The following C3orf20 variants were observed in gnomAD, a reference collection of about 807,000 sequenced individuals.
The protein encoded by C3orf20 is family with sequence similarity 149 member C, also known as uncharacterized protein C3orf20.
In C3orf20, 76 loss-of-function variants were observed where a neutral mutation model predicts 88.3. The observed-to-expected ratio is 0.86, with a 90% CI of 0.72 to 1.04. The LOEUF (loss-of-function observed/expected upper bound fraction) is 1.04. Among genes scored for constraint, C3orf20 ranks in the 50% least tolerant of loss-of-function variants. C3orf20 has a pLI of 0.00. For synonymous variants in C3orf20, 436 were observed against 437.4 expected (o/e 1.00, Z 0.04); for missense variants, 1,056 against 1,123.3 (o/e 0.94, Z 0.86).
chr3:14,722,308 C>T (rs2034191991), intron 10 of C3orf20: 1 of 370,180 alleles, frequency 2.7e-6, no homozygotes, highest in African/African-American at 2.1e-5. Context: ...CTCATTGGCT[C>T]TATTAACTGC....
intron 15 of C3orf20, 48 bp downstream of exon 15, chr3:14,761,663 G>C: frequency 6.2e-7 from 1 of 1,601,670 alleles, no homozygotes; most frequent in Non-Finnish European, 8.5e-7. Context: ...GGGAGGTATG[G>C]AGGGCAGAAA....
chr3:14,760,502 T>G (rs191245591), intron 14 of C3orf20, among the ~76,000 whole-genome samples: 1 of 152,190 alleles, frequency 6.6e-6, no homozygotes, highest in Non-Finnish European at 1.5e-5. Flanking sequence ...CTGCATATAT[T>G]CTTTGCAATT....
chr3:14,766,758 G>T (rs568422937), intron 15 of C3orf20, among the ~76,000 whole-genome samples: 2 of 152,212 alleles, frequency 1.3e-5, no homozygotes, highest in African/African-American at 4.8e-5. Context: ...GGCCCTCTTA[G>T]CTCAGCCTGC....
intron 9 of C3orf20, 111 bp from the exon 10 acceptor site, chr3:14,721,542 C>A (rs1223385300): frequency 6.3e-6 from 9 of 1,439,244 alleles, no homozygotes; most frequent in Middle Eastern, 4.2e-4. Context: ...AAAGCTCTTA[C>A]AAATCTTCTG....
In C3orf20 at chr3:14,761,547, G is replaced by A; in HGVS notation, c.2427G>A (p.Leu809=). ...ATGGCCTCAGCAAGCAGAATCTGCTGAAACAGATCTTCCGGTCTCAACAGG... is the reference window on the plus strand; with the variant it reads ...ATGGCCTCAGCAAGCAGAATCTGCTAAAACAGATCTTCCGGTCTCAACAGG... ...NGYGLSKQNL[L]KQIFRSQQDY... is the part of the protein sequence containing the mutation. The change falls in exon 15 of 17, where the codon CTG becomes CTA. Residue 809 remains leucine, a synonymous_variant. Coordinates refer to ENST00000253697, the MANE Select transcript of C3orf20 (RefSeq NM_032137.5). 6.2e-7 allele frequency: 1 copy of A among 1,614,008 alleles called. No individual in the cohort carries two copies. The highest frequency in any genetic ancestry group is 1.1e-5 in the South Asian group (1 of 91,080).
intron 4 of C3orf20, among the ~76,000 whole-genome samples, chr3:14,688,949 C>T (rs1005905658): frequency 7.9e-5 from 12 of 152,018 alleles, no homozygotes; most frequent in Non-Finnish European, 1.8e-4. Flanking sequence ...CCACATTTAC[C>T]GAAATGCTTA....
intron 11 of C3orf20, 69 bp downstream of exon 11, chr3:14,727,093 A>C: frequency 6.4e-7 from 1 of 1,554,620 alleles, no homozygotes; most frequent in Non-Finnish European, 8.9e-7. Flanking sequence ...CTGGCAGGTC[A>C]TCTCAAGGGA....
At chr3:14,757,309 C>G in intron 12 of C3orf20, 62 bp from the exon 13 acceptor site, 2 of 1,443,100 alleles carry the variant, frequency 1.4e-6, no homozygotes, top group South Asian at 2.6e-5. Flanking sequence ...CCAGGGGGCT[C>G]TGGGAACCAC....
intron 7 of C3orf20, among the ~76,000 whole-genome samples, chr3:14,708,319 A>G (rs966739311): frequency 6.6e-6 from 1 of 152,190 alleles, no homozygotes; most frequent in African/African-American, 2.4e-5. Context: ...TCAAAAATCA[A>G]TTGACTGTAG....
chr3:14,766,396 G>T (rs2035702716), intron 15 of C3orf20, among the ~76,000 whole-genome samples: 1 of 152,192 alleles, frequency 6.6e-6, no homozygotes, highest in African/African-American at 2.4e-5. Context: ...CTGACACCTG[G>T]TAGGGCTCAG....
intron 12 of C3orf20, 118 bp downstream of exon 12, chr3:14,728,806 G>A: frequency 1.1e-6 from 1 of 909,712 alleles, no homozygotes; most frequent in Non-Finnish European, 1.7e-6. Context: ...CCAAGGGCAA[G>A]TAAAGTGAGG....
intron 12 of C3orf20, among the ~76,000 whole-genome samples, chr3:14,737,332 A>G (rs1388842792): frequency 6.6e-6 from 1 of 151,530 alleles, no homozygotes. Flanking sequence ...CTTTTTACTA[A>G]GTTTCATGTA....
chr3:14,761,522 AT>A lies in C3orf20; in HGVS notation c.2403del (p.Tyr801Ter), dbSNP rs1156779477. 1 of 1,613,872 alleles carries A rather than the reference AT, an allele frequency of 6.2e-7. No homozygotes were observed. The highest frequency in any genetic ancestry group is 2.2e-5 in the East Asian group (1 of 44,826). ...TTTGGGGGCCGTGTTTTGAATGGAT[AT>A]GGCCTCAGCAAGCAGAATCTGCTGA... ...LIFGGRVLNG[Y>X]GLSKQNLLKQ... On this transcript the variant is annotated frameshift_variant, in exon 15 of 17. Transcript: ENST00000253697. LOFTEE classifies it high-confidence loss of function.
At chr3:14,752,749 A>G (rs2035255196) in intron 12 of C3orf20, among the ~76,000 whole-genome samples, 1 of 152,258 alleles carries the variant, frequency 6.6e-6, no homozygotes, top group Admixed American at 6.5e-5. Context: ...AGTCATCATC[A>G]CTGGTCATCA....
At chr3:14,770,500 C>T (rs1392908127) in intron 15 of C3orf20, among the ~76,000 whole-genome samples, 1 of 152,134 alleles carries the variant, frequency 6.6e-6, no homozygotes, top group African/African-American at 2.4e-5. Context: ...AGCCCGTAAA[C>T]ACTGTTTCTT....
intron 15 of C3orf20, among the ~76,000 whole-genome samples, chr3:14,764,090 G>A (rs1471246988): frequency 1.3e-5 from 2 of 151,732 alleles, no homozygotes; most frequent in Admixed American, 6.6e-5. Flanking sequence ...TTAGATTCCT[G>A]CACTTACTAG....
chr3:14,706,285 T>G (rs2033500850), intron 7 of C3orf20, among the ~76,000 whole-genome samples: 1 of 152,042 alleles, frequency 6.6e-6, no homozygotes, highest in Admixed American at 6.6e-5. Flanking sequence ...CTCCAGTATT[T>G]AACACAGCTG....
Position 14,757,583 on chromosome 3 carries a change from G to A in C3orf20, c.2153G>A (p.Ser718Asn). Reference protein sequence around the residue: ...SQVLVFGIISSQNYTSTGQLQ... With the variant: ...SQVLVFGIISNQNYTSTGQLQ... Reference sequence around the variant, plus strand: ...GTGCTGGTGTTTGGGATCATCTCAAGCCAGAACTACACCAGCACTGGGCAG... The same window carrying A: ...GTGCTGGTGTTTGGGATCATCTCAAACCAGAACTACACCAGCACTGGGCAG... Residue 718 changes from serine (S) to asparagine (N), a missense_variant, in exon 13 of 17, where the codon AGC becomes AAC. Transcript: ENST00000253697. 6.2e-7 allele frequency: 1 copy of A among 1,614,032 alleles called. No individual in the cohort carries two copies. The highest frequency in any genetic ancestry group is 8.5e-7 in the Non-Finnish European group (1 of 1,179,996).
chr3:14,705,535 G>A (rs1042364642), intron 7 of C3orf20, among the ~76,000 whole-genome samples: 1 of 152,230 alleles, frequency 6.6e-6, no homozygotes, highest in African/African-American at 2.4e-5. Flanking sequence ...AAAGTGAAGA[G>A]GAGTTTGAAT....
Sources: allele counts gnomAD v4.1 joint callset (sites outside exome capture counted in the v4.1 genomes callset), GRCh38; gene constraint gnomAD v4.1.1; transcripts MANE v1.5; gene names NCBI Gene and HGNC (gene_info 2026-07-23, HGNC 2026-07-21).